The following KANK1 variants were observed in gnomAD, a reference collection of about 807,000 sequenced individuals.
The protein encoded by KANK1 is KN motif and ankyrin repeat domains 1, also known as KN motif and ankyrin repeat domain-containing protein 1.
In KANK1, 109 loss-of-function variants were observed where a neutral mutation model predicts 106.2. That is an observed-to-expected ratio of 1.03 (90% CI 0.88 to 1.20). The LOEUF (loss-of-function observed/expected upper bound fraction) is 1.20. Among genes scored for constraint, KANK1 ranks in the 50% most tolerant of loss-of-function variants. The pLI is 0.00. For synonymous variants in KANK1, 873 were observed against 652.2 expected (o/e 1.34, Z -5.16); for missense variants, 2,399 against 1,710.7 (o/e 1.40, Z -7.10).
At chr9:668,362 T>TC (rs1563956718) in intron 1 of KANK1, among the ~76,000 whole-genome samples, 2 of 105,580 alleles carry the variant, frequency 1.9e-5, no homozygotes, top group African/African-American at 3.6e-5. Context: ...CTCTCTCTCT[T>TC]TGTATCTATT....
chr9:515,106 G>C (rs543086736), intron 1 of KANK1, among the ~76,000 whole-genome samples: 1 of 151,754 alleles, frequency 6.6e-6, no homozygotes, highest in Non-Finnish European at 1.5e-5. Flanking sequence ...CACTTTGGGA[G>C]GCAGAGGCGG....
At chr9:575,162 A>C (rs1442348093) in intron 1 of KANK1, among the ~76,000 whole-genome samples, 1 of 152,242 alleles carries the variant, frequency 6.6e-6, no homozygotes, top group Admixed American at 6.5e-5. Flanking sequence ...CAATATTCTC[A>C]AAGACAAGGC....
intron 1 of KANK1, among the ~76,000 whole-genome samples, chr9:650,264 T>C (rs950697079): frequency 1.3e-5 from 2 of 152,216 alleles, no homozygotes; most frequent in African/African-American, 2.4e-5. Context: ...TCTGTGCTTA[T>C]TAGAGCCAAA....
intron 1 of KANK1, among the ~76,000 whole-genome samples, chr9:513,662 A>C (rs2059130181): frequency 6.6e-6 from 1 of 152,248 alleles, no homozygotes; most frequent in Non-Finnish European, 1.5e-5. Context: ...TGATATCTGC[A>C]TAATATTTTT....
intron 1 of KANK1, among the ~76,000 whole-genome samples, chr9:618,882 C>T (rs1832495058): frequency 6.6e-6 from 1 of 152,052 alleles, no homozygotes; most frequent in African/African-American, 2.4e-5. Flanking sequence ...ATCCATGGCT[C>T]CTCACGAGCC....
At chr9:575,797 C>G (rs1025526157) in intron 1 of KANK1, among the ~76,000 whole-genome samples, 1 of 152,114 alleles carries the variant, frequency 6.6e-6, no homozygotes, top group Non-Finnish European at 1.5e-5. Flanking sequence ...CAAGGCGGGC[C>G]CGATCACTTG....
intron 1 of KANK1, among the ~76,000 whole-genome samples, chr9:529,999 A>T (rs1312988295): frequency 6.6e-6 from 1 of 152,296 alleles, no homozygotes; most frequent in South Asian, 2.1e-4. Context: ...ATGGTATCTC[A>T]TCTGTTTTTA....
chr9:629,563 C>T (rs1269424983), intron 1 of KANK1, among the ~76,000 whole-genome samples: 2 of 152,178 alleles, frequency 1.3e-5, no homozygotes, highest in African/African-American at 4.8e-5. Flanking sequence ...AAAGGCCCAT[C>T]ACATATAAAT....
intron 1 of KANK1, among the ~76,000 whole-genome samples, chr9:504,961 G>T (rs1344274108): frequency 7.2e-6 from 1 of 139,776 alleles, no homozygotes; most frequent in African/African-American, 2.9e-5. Flanking sequence ...GGGCGGTCCT[G>T]GGGGGGGGTC....
chr9:521,135 C>T (rs182491562), intron 1 of KANK1, among the ~76,000 whole-genome samples: 7 of 151,824 alleles, frequency 4.6e-5, no homozygotes, highest in East Asian at 1.9e-4. Flanking sequence ...GATATGAAAT[C>T]GGAATTCTTT....
At chr9:691,727 G>A (rs1819981738) in intron 2 of KANK1, among the ~76,000 whole-genome samples, 1 of 142,862 alleles carries the variant, frequency 7.0e-6, no homozygotes, top group Non-Finnish European at 1.5e-5. Flanking sequence ...AATCCTCCCA[G>A]TCTCAGCTCC....
In KANK1 at chr9:721,865, G is replaced by T. The variant is rs74736755; in HGVS notation, c.2699-8186G>T. Reference sequence around the variant, plus strand: ...GAAGGCATACGGTCAACTTGAAGACGGTTTCACTCCTCTTACCTTGGGGGC... The same window carrying T: ...GAAGGCATACGGTCAACTTGAAGACTGTTTCACTCCTCTTACCTTGGGGGC... On this transcript the variant is annotated intron_variant, in intron 3 of 11. Transcript: ENST00000382297. Among the ~76,000 whole-genome samples, 7 of 152,304 alleles carry T rather than the reference G, an allele frequency of 4.6e-5. No homozygotes were observed. The South Asian group carries it at 1.5e-3, about 32-fold the overall frequency.
chr9:599,507 T>C (rs898978925), intron 1 of KANK1, among the ~76,000 whole-genome samples: 2 of 151,818 alleles, frequency 1.3e-5, no homozygotes, highest in African/African-American at 2.4e-5. Flanking sequence ...TCATATACTT[T>C]GTCTAAATTT....
intron 1 of KANK1, among the ~76,000 whole-genome samples, chr9:611,749 TTCTC>T (rs976287441): frequency 2.0e-5 from 3 of 152,206 alleles, no homozygotes; most frequent in Non-Finnish European, 2.9e-5. Flanking sequence ...GACAAAGTCT[TTCTC>T]TGTTGCCCAG....
rs1322629628 is a variant in KANK1, at chr9:713,017, C to A, written c.2251C>A (p.Pro751Thr). Residue 751 changes from proline (P) to threonine (T), a missense_variant, in exon 3 of 12, where the codon CCA becomes ACA. Transcript: ENST00000382297. ...LLSGHSGFDR[P>T]SAVKTKESGV... ...TTCTGGCCATTCTGGGTTTGACAGG[C>A]CATCAGCTGTGAAGACCAAAGAGTC... is the stretch of plus-strand genomic sequence containing the variant. 1 of 1,614,154 alleles carries A rather than the reference C, an allele frequency of 6.2e-7. No individual in the cohort carries two copies. The highest frequency in any genetic ancestry group is 8.5e-7 in the Non-Finnish European group (1 of 1,180,026).
chr9:562,048 T>TC lies in KANK1; in HGVS notation c.-84+57294_-84+57295insC, dbSNP rs1453538376. On this transcript the variant is annotated intron_variant, in intron 1 of 11. Transcript: ENST00000382297. ...AGTAAGTAAATTGCATTTTCTTTTT[T>TC]TTTTTTTTTTTTTTTGAGACGGAGT... Among the ~76,000 whole-genome samples the TC allele has an allele frequency of 7.2e-4, 100 of 139,634 alleles. 1 individual carries two copies. Among genetic ancestry groups the TC allele is most frequent in the African/African-American group, 2.5e-3 (97 of 38,666 alleles). The allele number at this position is 139,634 out of a possible 152,430, so 91.6% of individuals were successfully genotyped here.
intron 3 of KANK1, among the ~76,000 whole-genome samples, chr9:719,681 A>T (rs1196055758): frequency 6.6e-6 from 1 of 152,242 alleles, no homozygotes; most frequent in Non-Finnish European, 1.5e-5. Flanking sequence ...GGACAGATAA[A>T]TGTTACACAG....
intron 2 of KANK1, among the ~76,000 whole-genome samples, chr9:695,826 AG>A (rs1439501417): frequency 6.6e-6 from 1 of 152,198 alleles, no homozygotes; most frequent in African/African-American, 2.4e-5. Flanking sequence ...AAAGCAGCAG[AG>A]CCAGGATTCA....
intron 2 of KANK1, among the ~76,000 whole-genome samples, chr9:699,390 A>T (rs542370198): frequency 6.6e-6 from 1 of 152,330 alleles, no homozygotes; most frequent in African/African-American, 2.4e-5. Context: ...TTTCAGTGTA[A>T]CAACTGCATC....
Sources: allele counts gnomAD v4.1 joint callset (sites outside exome capture counted in the v4.1 genomes callset), GRCh38; gene constraint gnomAD v4.1.1; transcripts MANE v1.5; gene names NCBI Gene and HGNC (gene_info 2026-07-23, HGNC 2026-07-21).